Variants in PCDHGB2 observed in about 807,000 individuals in gnomAD.
PCDHGB2 encodes protocadherin gamma-B2.
PCDHGB2 carries 55 observed loss-of-function variants against 59.3 expected under a neutral mutation model. The ratio of observed to expected loss-of-function variants is 0.93; its 90% confidence interval spans 0.75 to 1.16. The LOEUF (loss-of-function observed/expected upper bound fraction) is 1.16, where lower values mean the gene tolerates loss of function less well. PCDHGB2 is among the 50% of genes most tolerant of loss of function. The pLI is 0.00. For synonymous variants in PCDHGB2, 516 were observed against 512.0 expected (o/e 1.01, Z -0.11); for missense variants, 1,228 against 1,198.5 (o/e 1.02, Z -0.36).
intron 1 of PCDHGB2, among the ~76,000 whole-genome samples, chr5:141,451,364 C>T (rs970149151): frequency 3.9e-5 from 6 of 152,078 alleles, no homozygotes; most frequent in Middle Eastern, 3.2e-3. Context: ...AGGATGGATC[C>T]GCTTCTAATC....
intron 1 of PCDHGB2, among the ~76,000 whole-genome samples, chr5:141,446,381 T>C (rs1225260527): frequency 1.3e-5 from 2 of 152,248 alleles, no homozygotes; most frequent in Non-Finnish European, 2.9e-5. Flanking sequence ...TAAAGAATGA[T>C]AGATTTAAGA....
At chr5:141,388,571 C>A in intron 1 of PCDHGB2, 2 of 1,613,830 alleles carry the variant, frequency 1.2e-6, no homozygotes, top group Non-Finnish European at 1.7e-6. Context: ...CACAGATACA[C>A]GTTCTAGTGA....
At chr5:141,410,266 G>A in intron 1 of PCDHGB2, 1 of 1,614,036 alleles carries the variant, frequency 6.2e-7, no homozygotes, top group South Asian at 1.1e-5. Context: ...AGGCTGAACT[G>A]CAGTTTTACC....
At chr5:141,443,050 T>C (rs1290373918) in intron 1 of PCDHGB2, among the ~76,000 whole-genome samples, 1 of 152,236 alleles carries the variant, frequency 6.6e-6, no homozygotes, top group Non-Finnish European at 1.5e-5. Flanking sequence ...AAAATTATTG[T>C]TCCACTGAAG....
intron 1 of PCDHGB2, among the ~76,000 whole-genome samples, chr5:141,373,166 C>G (rs1478798062): frequency 6.6e-6 from 1 of 152,196 alleles, no homozygotes; most frequent in African/African-American, 2.4e-5. Context: ...TTAATGCAGT[C>G]AATCCTAAAA....
rs142590218 is a variant in PCDHGB2, at chr5:141,489,982, C to T, written c.2422-4825C>T. On this transcript the variant is annotated intron_variant, in intron 1 of 3. Coordinates refer to ENST00000522605, the MANE Select transcript of PCDHGB2 (RefSeq NM_018923.3). This position sits in a 1 kb window ranked among gnomAD's most constrained non-coding sequence, Gnocchi z 4.5. ...TCCAACCTTCCAATCCTCAGTTCTA[C>T]GTGTGGGAATCCCAGAGAATGCACC... The T allele has an allele frequency of 2.9e-5, 47 of 1,614,010 alleles. No individual in the cohort carries two copies. The highest frequency in any genetic ancestry group is 3.7e-5 in the Non-Finnish European group (44 of 1,179,964).
In PCDHGB2 at chr5:141,403,683, A is replaced by G. The variant is rs757429628; in HGVS notation, c.2421+41127A>G. 2.5e-6 allele frequency: 4 copies of G among 1,613,804 alleles called. No individual in the cohort carries two copies. The highest frequency in any genetic ancestry group is 1.7e-6 in the Non-Finnish European group (2 of 1,179,888). ...AATGATAATGCCCCGGTTTTTGCTC[A>G]ACGGATTTACCGAGTTAAAGTCCTT... On this transcript the variant is annotated intron_variant, in intron 1 of 3. Transcript: ENST00000522605.
In PCDHGB2 at chr5:141,491,667, G is replaced by C. The variant is rs746903142; in HGVS notation, c.2422-3140G>C. The C allele has an allele frequency of 3.7e-6, 6 of 1,613,678 alleles. No individual in the cohort carries two copies. The South Asian group carries it at 6.6e-5, about 18-fold the overall frequency. On this transcript the variant is annotated intron_variant, in intron 1 of 3. Transcript: ENST00000522605. This position sits in a 1 kb window ranked among gnomAD's most constrained non-coding sequence, Gnocchi z 6.9. Reference sequence around the variant, plus strand: ...TGGCGCTGGAGCCTGACGCCATCCGGTCCCGCTCTAATACGCTGCGGGAGC... The same window carrying C: ...TGGCGCTGGAGCCTGACGCCATCCGCTCCCGCTCTAATACGCTGCGGGAGC...
At chr5:141,501,409 A>G (rs1358547245) in intron 2 of PCDHGB2, among the ~76,000 whole-genome samples, 1 of 151,978 alleles carries the variant, frequency 6.6e-6, no homozygotes, top group African/African-American at 2.4e-5. Context: ...ACTGCTTGGA[A>G]AATAGTTGAC....
intron 1 of PCDHGB2, among the ~76,000 whole-genome samples, chr5:141,465,300 G>A (rs904996219): frequency 1.3e-5 from 2 of 152,112 alleles, no homozygotes; most frequent in Non-Finnish European, 2.9e-5. Flanking sequence ...TGAGAGTCCT[G>A]GGAATTTAGC....
At chr5:141,384,276 C>T (rs1333595693) in intron 1 of PCDHGB2, 1 of 1,613,888 alleles carries the variant, frequency 6.2e-7, no homozygotes, top group South Asian at 1.1e-5. Context: ...CCTACTCAGT[C>T]TACATCGCTG....
At chr5:141,403,776 G>A (rs1312851147) in intron 1 of PCDHGB2, 1 of 1,613,926 alleles carries the variant, frequency 6.2e-7, no homozygotes, top group East Asian at 2.2e-5. Flanking sequence ...GGAATCAACG[G>A]AAAAGTGGCA....
Position 141,486,683 on chromosome 5 carries a change from G to T in PCDHGB2, c.2422-8124G>T. The T allele has an allele frequency of 6.2e-7, 1 of 1,614,092 alleles. No homozygotes were observed. Among genetic ancestry groups the T allele is most frequent in the Non-Finnish European group, 8.5e-7 (1 of 1,180,026 alleles). ...GGAGCCCAGGAATCGAGATGTATCA[G>T]CTTCCTCTTTCATCTCTCTGAACCC... On this transcript the variant is annotated intron_variant, in intron 1 of 3. Transcript: ENST00000522605. This position sits in a 1 kb window ranked among gnomAD's most constrained non-coding sequence, Gnocchi z 5.0.
chr5:141,491,199 C>T lies in PCDHGB2; in HGVS notation c.2422-3608C>T. ...TGGTCCTGGTGAGGGACAATGGTGA[C>T]CCTTCACTCTCCTCCACAGCCACAG... On this transcript the variant is annotated intron_variant, in intron 1 of 3. Coordinates refer to ENST00000522605, the MANE Select transcript of PCDHGB2 (RefSeq NM_018923.3). The surrounding 1 kb of genome is among the most constrained non-coding windows in gnomAD (Gnocchi z 6.9). 1 of 1,614,190 alleles carries T rather than the reference C, an allele frequency of 6.2e-7. No homozygotes were observed. Among genetic ancestry groups the T allele is most frequent in the South Asian group, 1.1e-5 (1 of 91,086 alleles).
rs750401937 is a variant in PCDHGB2 at position 141,487,357 on chromosome 5, T to G, written c.2422-7450T>G. 5.0e-6 allele frequency: 8 copies of G among 1,614,212 alleles called. No homozygotes were observed. The highest frequency in any genetic ancestry group is 6.8e-6 in the Non-Finnish European group (8 of 1,180,032). ...CCTGTGGAGTCACATGCTTTCCTGC[T>G]GGCACCTGTGCCTGTCTCACCAGAT... On this transcript the variant is annotated intron_variant, in intron 1 of 3. Transcript: ENST00000522605. This position sits in a 1 kb window ranked among gnomAD's most constrained non-coding sequence, Gnocchi z 5.0.
intron 2 of PCDHGB2, 22 bp from the exon 3 acceptor site, chr5:141,505,371 C>G: frequency 1.2e-6 from 2 of 1,613,980 alleles, no homozygotes; most frequent in Non-Finnish European, 1.7e-6. Context: ...AGTCTGTGCT[C>G]ACCATCCTAC....
intron 1 of PCDHGB2, chr5:141,371,620 C>T (rs748176272): frequency 1.9e-6 from 3 of 1,613,992 alleles, no homozygotes; most frequent in East Asian, 2.2e-5. Context: ...ACAGATGGAG[C>T]CCTGGACCGG....
intron 1 of PCDHGB2, chr5:141,478,359 G>A: frequency 6.2e-7 from 1 of 1,613,734 alleles, no homozygotes; most frequent in Non-Finnish European, 8.5e-7. Flanking sequence ...GACGCCGTGC[G>A]GGGAGGCCTG....
intron 1 of PCDHGB2, chr5:141,396,613 C>G (rs1283036515): frequency 6.6e-6 from 1 of 151,276 alleles, no homozygotes; most frequent in Non-Finnish European, 1.5e-5. Context: ...GGGTGAGACT[C>G]CGTCTCAAAA....
Sources: allele counts gnomAD v4.1 joint callset (sites outside exome capture counted in the v4.1 genomes callset), GRCh38; gene constraint gnomAD v4.1.1; non-coding constraint Gnocchi (gnomAD v3.1); transcripts MANE v1.5; gene names NCBI Gene and HGNC (gene_info 2026-07-23, HGNC 2026-07-21).